The following TOM1 variants were observed in gnomAD, a reference collection of about 807,000 sequenced individuals.
TOM1 encodes target of myb1 membrane trafficking protein.
A neutral mutation model predicts 61.3 loss-of-function variants in TOM1; 38 were observed. The observed-to-expected ratio is 0.62, with a 90% CI of 0.48 to 0.81. TOM1 has a LOEUF of 0.81. Ranked by LOEUF, TOM1 falls within the 40% of genes least tolerant of loss-of-function variation. TOM1 has a pLI of 0.00. For missense variants in TOM1, 591 were observed against 659.6 expected (o/e 0.90, Z 1.14); for synonymous variants, 270 against 268.8 (o/e 1.00, Z -0.04).
intron 9 of TOM1, 87 bp from the exon 10 acceptor site, chr22:35,333,317 G>T: frequency 7.8e-7 from 1 of 1,285,558 alleles, no homozygotes; most frequent in Non-Finnish European, 1.1e-6. Context: ...AGATCCCTGG[G>T]CAAAGCCTGC....
chr22:35,323,401 G>C lies in TOM1; in HGVS notation c.367-95G>C. ...AGATGTAGTTAAAAAAAAAAAAAAA[G>C]CAGGGAAAGAATGTCTGTTCTCTGT... On this transcript the variant is annotated intron_variant, in intron 4 of 14. Transcript: ENST00000449058. This position sits in a 1 kb window ranked among gnomAD's most constrained non-coding sequence, Gnocchi z 4.2. The C allele has an allele frequency of 7.2e-7, 1 of 1,390,308 alleles. No individual in the cohort carries two copies. The highest frequency in any genetic ancestry group is 9.8e-7 in the Non-Finnish European group (1 of 1,024,196). 86.1% of individuals were successfully genotyped at this position (1,390,308 alleles called of 1,614,324 possible).
chr22:35,323,239 C>A lies in TOM1; in HGVS notation c.366+62C>A. 6.3e-7 allele frequency: 1 copy of A among 1,580,930 alleles called. No individual in the cohort carries two copies. The highest frequency in any genetic ancestry group is 8.6e-7 in the Non-Finnish European group (1 of 1,163,482). On this transcript the variant is annotated intron_variant, in intron 4 of 14. Transcript: ENST00000449058. This position sits in a 1 kb window ranked among gnomAD's most constrained non-coding sequence, Gnocchi z 4.2. ...AGCTGTCAGTGCAGGAGCTTCCTGCCCAGTGGAGAGTCGAGGCCATCGTGT... is the reference window on the plus strand; with the variant it reads ...AGCTGTCAGTGCAGGAGCTTCCTGCACAGTGGAGAGTCGAGGCCATCGTGT...
At position 35,303,804 on chromosome 22, in the gene TOM1, T is replaced by C. The variant is rs114269151; in HGVS notation, c.52+3824T>C. 3.2e-3 allele frequency among the ~76,000 whole-genome samples: 493 copies of C among 152,224 alleles called. 5 individuals carry two copies. Among genetic ancestry groups the C allele is most frequent in the African/African-American group, 0.011 (476 of 41,530 alleles). ...TGAGCCACCACGCTTGGCTTATTTT[T>C]ATTATTTCTACCCTCATTATACTAA... On this transcript the variant is annotated intron_variant, in intron 1 of 14. Coordinates refer to ENST00000449058, the MANE Select transcript of TOM1 (RefSeq NM_005488.3).
intron 7 of TOM1, among the ~76,000 whole-genome samples, chr22:35,329,440 T>C (rs1311104700): frequency 6.6e-6 from 1 of 152,206 alleles, no homozygotes; most frequent in Non-Finnish European, 1.5e-5. Flanking sequence ...TAATGGTAGT[T>C]TACCAGTTTT....
intron 1 of TOM1, among the ~76,000 whole-genome samples, chr22:35,314,486 C>T (rs1280116854): frequency 6.6e-6 from 1 of 152,026 alleles, no homozygotes; most frequent in Non-Finnish European, 1.5e-5. Flanking sequence ...ACCTGATTGC[C>T]GGGTATGGGA....
At chr22:35,331,084 C>T (rs892066985) in intron 8 of TOM1, among the ~76,000 whole-genome samples, 1 of 149,914 alleles carries the variant, frequency 6.7e-6, no homozygotes, top group South Asian at 2.1e-4. Flanking sequence ...TCCACAAACA[C>T]CTGTCCACCT....
chr22:35,312,869 G>A (rs2145627217), intron 1 of TOM1, among the ~76,000 whole-genome samples: 1 of 152,342 alleles, frequency 6.6e-6, no homozygotes, highest in East Asian at 1.9e-4. Context: ...GATGGACAAT[G>A]TTTAAACAGA....
rs1928061014 is a variant in TOM1 at position 35,323,707 on chromosome 22, T to G, written c.502-61T>G. 6.2e-7 allele frequency: 1 copy of G among 1,606,546 alleles called. No individual in the cohort carries two copies. Among genetic ancestry groups the G allele is most frequent in the Non-Finnish European group, 8.5e-7 (1 of 1,174,620 alleles). Reference sequence around the variant, plus strand: ...CCAGAGACATCACCAGGCTGGCCCCTGACTTCCTGGGCTCTTGATGTTCCC... The same window carrying G: ...CCAGAGACATCACCAGGCTGGCCCCGGACTTCCTGGGCTCTTGATGTTCCC... On this transcript the variant is annotated intron_variant, in intron 5 of 14. Transcript: ENST00000449058. The surrounding 1 kb of genome is among the most constrained non-coding windows in gnomAD (Gnocchi z 4.2).
chr22:35,336,267 T>G (rs1032787800), intron 11 of TOM1, among the ~76,000 whole-genome samples: 1 of 152,138 alleles, frequency 6.6e-6, no homozygotes, highest in Admixed American at 6.5e-5. Flanking sequence ...GTCTTCCCTT[T>G]GTTCTCCTGC....
rs199702199 is a variant in TOM1, at chr22:35,347,256, C to T, written c.*47C>T. 2.8e-4 allele frequency: 426 copies of T among 1,529,206 alleles called. 3 individuals carry two copies. The highest frequency in any genetic ancestry group is 1.8e-4 in the Middle Eastern group (1 of 5,660). 94.7% of individuals were successfully genotyped at this position (1,529,206 alleles called of 1,614,324 possible). A position where few individuals can be genotyped will look rare whatever the true frequency, so the allele number is the denominator to read the frequency against. On this transcript the variant is annotated 3_prime_UTR_variant, in exon 15 of 15. Coordinates refer to ENST00000449058, the MANE Select transcript of TOM1 (RefSeq NM_005488.3). ...AGCCCAGGTCCCCACTGCTCTCACACCCTTAGGCTGGGACCTCCCTCCCTC... is the reference window on the plus strand; with the variant it reads ...AGCCCAGGTCCCCACTGCTCTCACATCCTTAGGCTGGGACCTCCCTCCCTC...
intron 1 of TOM1, among the ~76,000 whole-genome samples, chr22:35,314,031 A>G (rs1927069297): frequency 6.6e-6 from 1 of 152,244 alleles, no homozygotes; most frequent in South Asian, 2.1e-4. Context: ...TTCTGTGGTG[A>G]AGAACAAAAA....
chr22:35,334,394 A>G lies in TOM1; in HGVS notation c.1094A>G (p.Glu365Gly), dbSNP rs944796541. 8 of 1,613,964 alleles carry G rather than the reference A, an allele frequency of 5.0e-6. No homozygotes were observed. Among genetic ancestry groups the G allele is most frequent in the Non-Finnish European group, 6.8e-6 (8 of 1,180,014 alleles). The change falls in exon 11 of 15, where the codon GAG becomes GGG. Residue 365 changes from glutamate to glycine, a missense_variant. Physicochemically the swap from Glu to Gly is moderately conservative, Grantham distance 98. Transcript: ENST00000449058. ...GAGGCCTCTGGTCGACTGGAAGATG[A>G]GTTTGACATGTTTGCGCTGACACGG... The part of the protein sequence containing the change: ...SLEASGRLED[E>G]FDMFALTRGS...
intron 1 of TOM1, among the ~76,000 whole-genome samples, chr22:35,304,113 G>A (rs947205669): frequency 2.0e-5 from 3 of 152,148 alleles, no homozygotes; most frequent in African/African-American, 7.2e-5. Flanking sequence ...GTCAGTCTAA[G>A]AGAAAGCATC....
intron 1 of TOM1, among the ~76,000 whole-genome samples, chr22:35,314,822 C>T (rs555110569): frequency 2.0e-5 from 3 of 152,364 alleles, no homozygotes; most frequent in South Asian, 2.1e-4. Flanking sequence ...AGCGGCTGCC[C>T]CGCCCTTACC....
chr22:35,344,555 A>C (rs1368136962), intron 12 of TOM1: 2 of 152,120 alleles, frequency 1.3e-5, no homozygotes, highest in East Asian at 1.9e-4. Flanking sequence ...GGAGCGGGAG[A>C]CGGAGCCGGT....
intron 1 of TOM1, among the ~76,000 whole-genome samples, chr22:35,304,844 C>G (rs548228782): frequency 1.2e-3 from 182 of 152,326 alleles, no homozygotes; most frequent in Admixed American, 2.2e-3. Context: ...CAGCTTACCC[C>G]TAAGCACTTG....
Position 35,323,836 on chromosome 22 carries a change from C to G in TOM1, c.570C>G (p.Asp190Glu), listed in dbSNP as rs758476188. 6.2e-7 allele frequency: 1 copy of G among 1,613,054 alleles called. No homozygotes were observed. Among genetic ancestry groups the G allele is most frequent in the South Asian group, 1.1e-5 (1 of 90,892 alleles). Reference protein sequence around the residue: ...SVGTDSSQQEDSGQHAAPLPA... With the variant: ...SVGTDSSQQEESGQHAAPLPA... Reference sequence around the variant, plus strand: ...GCACTGACTCCAGCCAGCAAGAGGACTCTGGCCAGCATGCTGCCCCTCTGC... The same window carrying G: ...GCACTGACTCCAGCCAGCAAGAGGAGTCTGGCCAGCATGCTGCCCCTCTGC... The change falls in exon 6 of 15, where the codon GAC becomes GAG. Residue 190 changes from aspartate (D) to glutamate (E), a missense_variant. Transcript: ENST00000449058. This position sits in a 1 kb window ranked among gnomAD's most constrained non-coding sequence, Gnocchi z 4.2.
chr22:35,340,804 T>G (rs1040786572), intron 12 of TOM1, among the ~76,000 whole-genome samples: 1 of 152,174 alleles, frequency 6.6e-6, no homozygotes, highest in Non-Finnish European at 1.5e-5. Context: ...GCCAGTCCAC[T>G]GTGGGCAAAG....
At chr22:35,322,191 C>T (rs1021275023) in intron 3 of TOM1, 154 bp downstream of exon 3, 12 of 646,060 alleles carry the variant, frequency 1.9e-5, no homozygotes, top group East Asian at 5.5e-5. Flanking sequence ...ACACTGCAGG[C>T]GGATGCAGAA....
Sources: gnomAD v4.1 joint callset for allele counts (sites outside exome capture counted in the v4.1 genomes callset) on GRCh38, gnomAD v4.1.1 for gene constraint, Gnocchi (gnomAD v3.1) non-coding constraint, MANE v1.5 for transcripts, NCBI Gene and HGNC (gene_info 2026-07-23, HGNC 2026-07-21) for gene names.